The following FHIT variants were observed in gnomAD, a reference collection of about 807,000 sequenced individuals.
FHIT encodes the protein fragile histidine triad diadenosine triphosphatase.
FHIT carries 19 observed loss-of-function variants against 17.9 expected under a neutral mutation model. That is an observed-to-expected ratio of 1.06 (90% CI 0.74 to 1.56). The LOEUF is 1.56. FHIT is among the 40% of genes most tolerant of loss of function. The probability of loss-of-function intolerance (pLI) is 0.00; values close to 1 mark genes in which losing one functional copy is unlikely to be tolerated. For synonymous variants in FHIT, 81 were observed against 69.7 expected (o/e 1.16, Z -0.81); for missense variants, 248 against 189.2 (o/e 1.31, Z -1.82).
At chr3:60,859,727 T>A (rs928495923) in intron 3 of FHIT, among the ~76,000 whole-genome samples, 2 of 7,768 alleles carry the variant, frequency 2.6e-4, no homozygotes, top group African/African-American at 5.6e-4. Context: ...AATACGATTT[T>A]TTTTTTTTTT....
At chr3:60,209,472 CACCATCTT>C (rs1468055660) in intron 5 of FHIT, among the ~76,000 whole-genome samples, 1 of 152,178 alleles carries the variant, frequency 6.6e-6, no homozygotes, top group African/African-American at 2.4e-5. Flanking sequence ...CTCACCATCT[CACCATCTT>C]TCTTACATTC....
intron 4 of FHIT, among the ~76,000 whole-genome samples, chr3:60,714,440 T>C (rs377323560): frequency 9.9e-5 from 15 of 152,212 alleles, no homozygotes; most frequent in East Asian, 9.7e-4. Flanking sequence ...CCAGGGCAAT[T>C]AGGCAGGAGG....
chr3:60,368,394 T>C (rs953118974), intron 5 of FHIT, among the ~76,000 whole-genome samples: 1 of 152,098 alleles, frequency 6.6e-6, no homozygotes, highest in South Asian at 2.1e-4. Context: ...AATAATGATA[T>C]TGAACACCTT....
intron 8 of FHIT, among the ~76,000 whole-genome samples, chr3:59,868,999 G>C (rs1256918008): frequency 6.6e-6 from 1 of 152,104 alleles, no homozygotes; most frequent in Admixed American, 6.6e-5. Context: ...TTCCCATCCT[G>C]TTGGCTTGGA....
chr3:61,193,549 ACCT>A (rs930193901), intron 2 of FHIT, among the ~76,000 whole-genome samples: 2 of 152,128 alleles, frequency 1.3e-5, no homozygotes, highest in Non-Finnish European at 2.9e-5. Flanking sequence ...TGCATCAATG[ACCT>A]TAAGTGAGCA....
At chr3:60,557,521 C>A (rs750029511) in intron 4 of FHIT, among the ~76,000 whole-genome samples, 1 of 151,632 alleles carries the variant, frequency 6.6e-6, no homozygotes, top group Non-Finnish European at 1.5e-5. Flanking sequence ...ACTCAGAGTC[C>A]ATAAGGTGGC....
intron 5 of FHIT, among the ~76,000 whole-genome samples, chr3:60,117,304 T>C (rs1191860461): frequency 1.3e-5 from 2 of 152,110 alleles, no homozygotes; most frequent in Admixed American, 6.6e-5. Context: ...GGTTACAGAA[T>C]GGCAAAAACT....
At chr3:61,192,609 T>C (rs1273211686) in intron 2 of FHIT, among the ~76,000 whole-genome samples, 1 of 152,228 alleles carries the variant, frequency 6.6e-6, no homozygotes, top group African/African-American at 2.4e-5. Context: ...TTTTTGATTA[T>C]TTGCAGCCAA....
At chr3:60,886,132 A>T (rs548706293) in intron 3 of FHIT, among the ~76,000 whole-genome samples, 1 of 152,352 alleles carries the variant, frequency 6.6e-6, no homozygotes, top group South Asian at 2.1e-4. Flanking sequence ...CTTATGTAAT[A>T]TCGAATCCAT....
chr3:59,867,806 T>G (rs1702722305), intron 8 of FHIT, among the ~76,000 whole-genome samples: 1 of 151,982 alleles, frequency 6.6e-6, no homozygotes, highest in Admixed American at 6.6e-5. Context: ...TCTCCCCACC[T>G]CCACCTTAGG....
chr3:59,814,956 C>T (rs1159227683), intron 8 of FHIT, among the ~76,000 whole-genome samples: 1 of 152,222 alleles, frequency 6.6e-6, no homozygotes, highest in African/African-American at 2.4e-5. Flanking sequence ...AGTACACATT[C>T]CAGCTCATGA....
chr3:61,016,658 A>G (rs761138578), intron 3 of FHIT, among the ~76,000 whole-genome samples: 2 of 152,238 alleles, frequency 1.3e-5, no homozygotes, highest in Admixed American at 6.5e-5. Context: ...AGAGTTCACA[A>G]GAACCCTCAG....
intron 5 of FHIT, among the ~76,000 whole-genome samples, chr3:60,531,548 G>T (rs1015406899): frequency 1.3e-5 from 2 of 152,132 alleles, no homozygotes; most frequent in Admixed American, 6.5e-5. Flanking sequence ...AAAGTGCTGG[G>T]ATTACAGGCG....
chr3:61,248,462 A>G (rs1285526986), intron 1 of FHIT, among the ~76,000 whole-genome samples: 1 of 152,236 alleles, frequency 6.6e-6, no homozygotes, highest in Admixed American at 6.5e-5. Flanking sequence ...TTATCTGTGA[A>G]TACATAATTG....
chr3:59,964,180 A>G (rs1462966176), intron 7 of FHIT, among the ~76,000 whole-genome samples: 3 of 152,208 alleles, frequency 2.0e-5, no homozygotes, highest in African/African-American at 7.2e-5. Flanking sequence ...AACAGCCTAC[A>G]TATTATTCAG....
intron 5 of FHIT, among the ~76,000 whole-genome samples, chr3:60,440,144 T>C (rs2030664077): frequency 6.6e-6 from 1 of 152,110 alleles, no homozygotes; most frequent in Non-Finnish European, 1.5e-5. Flanking sequence ...AATCACTGAA[T>C]GGTTCCTAGG....
At chr3:60,382,032 T>A (rs62248547) in intron 5 of FHIT, among the ~76,000 whole-genome samples, 14,129 of 152,288 alleles carry the variant, frequency 0.093, 1,375 homozygotes, top group Admixed American at 0.22. Context: ...ACATATGGCT[T>A]AATAGCTACT....
rs2037443266 is a variant in FHIT at position 61,153,161 on chromosome 3, A to G, written c.-164+47456T>C. Among the ~76,000 whole-genome samples, 2 of 149,086 alleles carry G rather than the reference A, an allele frequency of 1.3e-5. 1 individual carries two copies. Among genetic ancestry groups the G allele is most frequent in the Admixed American group, 1.3e-4 (2 of 15,008 alleles). The stretch of plus-strand genomic sequence containing the variant: ...CCATCTCAAAAAAAAAAAAAAAAAA[A>G]GACAATAGTGGTCCAAGTTCAAGTG... On this transcript the variant is annotated intron_variant, in intron 2 of 9. Coordinates refer to ENST00000492590, the MANE Select transcript of FHIT (RefSeq NM_002012.4).
intron 8 of FHIT, among the ~76,000 whole-genome samples, chr3:59,763,931 T>C (rs1393443915): frequency 6.6e-6 from 1 of 152,202 alleles, no homozygotes; most frequent in African/African-American, 2.4e-5. Context: ...GACTGAATGA[T>C]TCTTTCAGTC....
Sources: gnomAD v4.1 joint callset for allele counts (sites outside exome capture counted in the v4.1 genomes callset) on GRCh38, gnomAD v4.1.1 for gene constraint, MANE v1.5 for transcripts, NCBI Gene and HGNC (gene_info 2026-07-23, HGNC 2026-07-21) for gene names.